BARD1: variants seen among roughly 807,000 people sequenced by gnomAD.
BARD1 encodes BRCA1-associated RING domain protein 1.
BARD1 carries 73 observed loss-of-function variants against 77.0 expected under a neutral mutation model. That is an observed-to-expected ratio of 0.95 (90% CI 0.79 to 1.15). The LOEUF (loss-of-function observed/expected upper bound fraction) is 1.15. BARD1 is among the 50% of genes most tolerant of loss of function. BARD1 has a pLI of 0.00. For synonymous variants in BARD1, 384 were observed against 338.0 expected, an observed-to-expected ratio of 1.14 and a Z score of -1.49; for missense variants, 993 against 938.8, an observed-to-expected ratio of 1.06 and a Z score of -0.75.
At chr2:214,729,930 G>A (rs1252563357) in intron 10 of BARD1, among the ~76,000 whole-genome samples, 1 of 152,068 alleles carries the variant, frequency 6.6e-6, no homozygotes, top group African/African-American at 2.4e-5. Flanking sequence ...CTGAGGCTAG[G>A]GATCCAATTA....
rs587782333 is a variant in BARD1, at chr2:214,780,747, G to A, written c.1127C>T (p.Ser376Leu). The A allele has an allele frequency of 4.8e-5, 78 of 1,613,888 alleles. No homozygotes were observed. Among genetic ancestry groups the A allele is most frequent in the Non-Finnish European group, 6.2e-5 (73 of 1,179,968 alleles). ...GGACATGTTACTGTTTTTCCTCCCT[G>A]ATGTACCACCAACTTTACGTTTGCA... ...PSCKRKVGGT[S>L]GRKNSNMSDE... The change falls in exon 4 of 11, where the codon TCA becomes TTA. Residue 376 changes from serine to leucine, a missense_variant. Transcript: ENST00000260947.
intron 2 of BARD1, among the ~76,000 whole-genome samples, chr2:214,795,599 A>T (rs1318569639): frequency 4.6e-5 from 7 of 152,234 alleles, no homozygotes; most frequent in Non-Finnish European, 1.0e-4. Flanking sequence ...TGAACCTATC[A>T]CAATAGTATG....
rs1695024043 is a variant in BARD1 at position 214,781,374 on chromosome 2, G to T, written c.500C>A (p.Pro167His). 2 of 1,613,466 alleles carry T rather than the reference G, an allele frequency of 1.2e-6. No individual in the cohort carries two copies. The highest frequency in any genetic ancestry group is 2.7e-5 in the African/African-American group (2 of 74,876). Residue 167 changes from proline (P) to histidine (H), a missense_variant, in exon 4 of 11, where the codon CCT becomes CAT. Coordinates refer to ENST00000260947, the MANE Select transcript of BARD1 (RefSeq NM_000465.4). ...VVSKASVQTQ[P>H]AIKKDASAQQ... ...AGCACTTGCATCTTTTTTTATTGCAGGCTGGGTTTGCACTGAAGCTTTACT... is the reference window on the plus strand; with the variant it reads ...AGCACTTGCATCTTTTTTTATTGCATGCTGGGTTTGCACTGAAGCTTTACT...
intron 2 of BARD1, among the ~76,000 whole-genome samples, chr2:214,793,038 T>C (rs919520722): frequency 1.3e-5 from 2 of 152,132 alleles, no homozygotes; most frequent in African/African-American, 4.8e-5. Context: ...CATACTCATG[T>C]AAAAAGAGGG....
In BARD1 at chr2:214,725,710, T is replaced by C. The variant is rs577768614; in HGVS notation, c.*2966A>G. 1.3e-5 allele frequency: 3 copies of C among 222,826 alleles called. No homozygotes were observed. Among genetic ancestry groups the C allele is most frequent in the African/African-American group, 4.5e-5 (2 of 44,898 alleles). 13.8% of individuals were successfully genotyped at this position (222,826 alleles called of 1,614,324 possible). On this transcript the variant is annotated 3_prime_UTR_variant, in exon 11 of 11. Transcript: ENST00000260947. ...CGTATCTTTGAAAAGGGTTGACTTA[T>C]AAAGAAATACATGAAGTTTACAATC...
At chr2:214,734,001 C>T (rs1256724463) in intron 9 of BARD1, among the ~76,000 whole-genome samples, 1 of 152,048 alleles carries the variant, frequency 6.6e-6, no homozygotes, top group African/African-American at 2.4e-5. Flanking sequence ...AATGGCTAAC[C>T]TTTCAAAGAA....
chr2:214,780,513 T>G, intron 4 of BARD1, 47 bp downstream of exon 4: 7 of 1,543,148 alleles, frequency 4.5e-6, no homozygotes, highest in Non-Finnish European at 5.4e-6. Context: ...GAAATTGCTT[T>G]ATAGTTGGCC....
At chr2:214,731,315 C>T (rs1692346766) in intron 9 of BARD1, among the ~76,000 whole-genome samples, 1 of 152,160 alleles carries the variant, frequency 6.6e-6, no homozygotes, top group African/African-American at 2.4e-5. Context: ...AATTGTCTCG[C>T]TAGGCTCTAG....
At chr2:214,744,640 C>CT (rs1693010133) in intron 9 of BARD1, among the ~76,000 whole-genome samples, 1 of 151,324 alleles carries the variant, frequency 6.6e-6, no homozygotes. Flanking sequence ...TTCTTTTTTT[C>CT]TTTTTTTTGA....
At chr2:214,749,919 T>A (rs1693325869) in intron 7 of BARD1, among the ~76,000 whole-genome samples, 1 of 152,048 alleles carries the variant, frequency 6.6e-6, no homozygotes, top group Non-Finnish European at 1.5e-5. Context: ...AAACTATAGT[T>A]TGGAACAGAT....
At chr2:214,801,848 G>C (rs1696034992) in intron 1 of BARD1, among the ~76,000 whole-genome samples, 1 of 49,060 alleles carries the variant, frequency 2.0e-5, no homozygotes, top group South Asian at 1.2e-3. Flanking sequence ...CAAATATTTG[G>C]CGGGGGGGGG....
rs963455702 is a variant in BARD1 at position 214,727,144 on chromosome 2, G to A, written c.*1532C>T. ...TACTGGTTGTAGAGAGTGTTTCAGA[G>A]CTAATTCACCCAGCAAGGTCAGGGT... On this transcript the variant is annotated 3_prime_UTR_variant, in exon 11 of 11. Transcript: ENST00000260947. 1 of 217,818 alleles carries A rather than the reference G, an allele frequency of 4.6e-6. No homozygotes were observed. The highest frequency in any genetic ancestry group is 9.2e-6 in the Non-Finnish European group (1 of 108,402). 13.5% of individuals were successfully genotyped at this position (217,818 alleles called of 1,614,324 possible). A position where few individuals can be genotyped will look rare whatever the true frequency, so the allele number is the denominator to read the frequency against.
chr2:214,801,937 G>A (rs1559446647), intron 1 of BARD1, among the ~76,000 whole-genome samples: 1 of 150,646 alleles, frequency 6.6e-6, no homozygotes, highest in Non-Finnish European at 1.5e-5. Context: ...ACAGCTCACT[G>A]AGCTTTGAAC....
rs1487795922 is a variant in BARD1, at chr2:214,727,600, C to CA, written c.*1075dup. On this transcript the variant is annotated 3_prime_UTR_variant, in exon 11 of 11. Coordinates refer to ENST00000260947, the MANE Select transcript of BARD1 (RefSeq NM_000465.4). ...ACTCTCAGGTGGTATCCTGCCCACTCACTAAGGCCTTGCCTATTTGATATT... is the reference window on the plus strand; with the variant it reads ...ACTCTCAGGTGGTATCCTGCCCACTCAACTAAGGCCTTGCCTATTTGATATT... 4.3e-6 allele frequency: 1 copy of CA among 232,294 alleles called. No individual in the cohort carries two copies. Among genetic ancestry groups the CA allele is most frequent in the Non-Finnish European group, 8.5e-6 (1 of 117,468 alleles). 14.4% of individuals were successfully genotyped at this position (232,294 alleles called of 1,614,324 possible).
chr2:214,809,036 A>G (rs906903919), intron 1 of BARD1, among the ~76,000 whole-genome samples: 6 of 152,218 alleles, frequency 3.9e-5, no homozygotes, highest in Admixed American at 1.3e-4. Context: ...CCCGGAAAGC[A>G]GCGGGGTAAT....
intron 3 of BARD1, among the ~76,000 whole-genome samples, chr2:214,782,104 G>A (rs1422542724): frequency 3.3e-5 from 5 of 152,116 alleles, no homozygotes; most frequent in African/African-American, 1.2e-4. Context: ...ACTTCAAAAC[G>A]TATCTCTGAC....
rs786201905 is a variant in BARD1 at position 214,745,778 on chromosome 2, A to G, written c.1754T>C (p.Leu585Pro). The change falls in exon 8 of 11, where the codon CTC becomes CCC. Residue 585 changes from leucine to proline, a missense_variant. By Grantham distance (98) the Leu-to-Pro change is moderately conservative. Coordinates refer to ENST00000260947, the MANE Select transcript of BARD1 (RefSeq NM_000465.4). ...CTTAAGAATTACTGCAAGCTCACTG[A>G]GCATTTTCTGTTGTTCTGAAGACAG... Reference protein sequence around the residue: ...SGLSSEQQKMLSELAVILKAK... With the variant: ...SGLSSEQQKMPSELAVILKAK... 16 of 1,614,078 alleles carry G rather than the reference A, an allele frequency of 9.9e-6. No individual in the cohort carries two copies. The highest frequency in any genetic ancestry group is 1.4e-5 in the Non-Finnish European group (16 of 1,179,968).
At chr2:214,749,782 CTTT>C (rs55884068) in intron 7 of BARD1, among the ~76,000 whole-genome samples, 43 of 147,368 alleles carry the variant, frequency 2.9e-4, no homozygotes, top group Admixed American at 5.4e-4. Context: ...AAAAAACAAC[CTTT>C]TTTTTTTTTT....
intron 1 of BARD1, among the ~76,000 whole-genome samples, chr2:214,799,078 C>T (rs1695892427): frequency 6.6e-6 from 1 of 152,146 alleles, no homozygotes; most frequent in Admixed American, 6.5e-5. Flanking sequence ...GATTGAGCCA[C>T]TGCACTCCAG....
Sources: allele counts gnomAD v4.1 joint callset (sites outside exome capture counted in the v4.1 genomes callset), GRCh38; gene constraint gnomAD v4.1.1; transcripts MANE v1.5; gene names NCBI Gene and HGNC (gene_info 2026-07-23, HGNC 2026-07-21).